Variants in HR observed in about 807,000 individuals in gnomAD.
HR encodes HR lysine demethylase and nuclear receptor corepressor.
In HR, 83 loss-of-function variants were observed where a neutral mutation model predicts 128.6. The ratio of observed to expected loss-of-function variants is 0.65; its 90% confidence interval spans 0.54 to 0.77. HR has a LOEUF of 0.77. Ranked by LOEUF, HR falls within the 30% of genes least tolerant of loss-of-function variation. The pLI, the probability that HR is intolerant of heterozygous loss-of-function variation, is 0.00. For synonymous variants in HR, 681 were observed against 658.2 expected (o/e 1.03, Z -0.53); for missense variants, 1,490 against 1,574.6 (o/e 0.95, Z 0.91).
In HR at chr8:22,116,519, AC is replaced by A; in HGVS notation, c.3379-92del. 3.9e-6 allele frequency: 6 copies of A among 1,519,998 alleles called. No homozygotes were observed. The highest frequency in any genetic ancestry group is 5.3e-6 in the Non-Finnish European group (6 of 1,123,950). 94.2% of individuals were successfully genotyped at this position (1,519,998 alleles called of 1,614,324 possible). ...CTGAGGTTCGCTTCCTCTAATGACA[AC>A]CACCCCCGACCCCTGGCTCTCAGAG... On this transcript the variant is annotated intron_variant, in intron 17 of 18. Coordinates refer to ENST00000381418, the MANE Select transcript of HR (RefSeq NM_005144.5). The surrounding 1 kb of genome is among the most constrained non-coding windows in gnomAD (Gnocchi z 4.2).
chr8:22,125,967 G>A (rs989924840), intron 3 of HR, among the ~76,000 whole-genome samples: 1 of 152,230 alleles, frequency 6.6e-6, no homozygotes, highest in Non-Finnish European at 1.5e-5. Context: ...GAGCGAAGAG[G>A]TTGTCTGGTG....
intron 6 of HR, 32 bp downstream of exon 6, chr8:22,123,617 T>TGGGGGGGGCCCCCCCCC: frequency 3.4e-6 from 1 of 292,092 alleles, no homozygotes; most frequent in Non-Finnish European, 6.2e-6. Context: ...GAGGGCTCCA[T>TGGGGGGGGCCCCCCCCC]CCCGCCCTCC....
chr8:22,120,015 G>A, intron 13 of HR, 89 bp downstream of exon 13: 5 of 1,573,102 alleles, frequency 3.2e-6, no homozygotes, highest in Non-Finnish European at 3.5e-6. Flanking sequence ...CACGGGGTGG[G>A]GGTTGGGGGC....
chr8:22,121,687 G>A lies in HR; in HGVS notation c.2129C>T (p.Ser710Leu), dbSNP rs1189832242. 4 of 1,613,974 alleles carry A rather than the reference G, an allele frequency of 2.5e-6. No homozygotes were observed. Among genetic ancestry groups the A allele is most frequent in the Non-Finnish European group, 3.4e-6 (4 of 1,180,018 alleles). The change falls in exon 9 of 19, where the codon TCA (serine) becomes TTA (leucine). Residue 710 changes from serine (S) to leucine (L), a missense_variant. This residue lies in a region of HR where 1,060 missense variants were observed against 1,060.9 expected (regional missense o/e 1.00). Transcript: ENST00000381418. ...APGDAGQQKE[S>L]TQKTPPTPQP... ...TGGAGTTGGGGGCGTTTTCTGTGTT[G>A]ATTCCTTCTGTTAAACCCATCCACC...
rs753844524 is a variant in HR, at chr8:22,118,967, G to A, written c.3196C>T (p.Arg1066Cys). The A allele has an allele frequency of 2.6e-5, 42 of 1,611,656 alleles. No homozygotes were observed. The highest frequency in any genetic ancestry group is 6.7e-5 in the African/African-American group (5 of 74,896). ...VFRAQDAQRI[R>C]RFLQMVCPAG... ...CTCCTCACCATCTGGAGAAAGCGGCGGATGCGCTGGGCGTCCTGTGCCCGG... is the reference window on the plus strand; with the variant it reads ...CTCCTCACCATCTGGAGAAAGCGGCAGATGCGCTGGGCGTCCTGTGCCCGG... Residue 1066 changes from arginine to cysteine, a missense_variant, in exon 16 of 19, where the codon CGC (arginine) becomes TGC (cysteine). Physicochemically the swap from Arg to Cys is radical, Grantham distance 180. This residue lies in a region of HR where 423 missense variants were observed against 495.9 expected (regional missense o/e 0.85). Transcript: ENST00000381418.
In HR at chr8:22,130,408, G is replaced by A. The variant is rs1439356731; in HGVS notation, c.-41+20C>T. The A allele has an allele frequency of 6.6e-6, 1 of 152,298 alleles. No individual in the cohort carries two copies. Among genetic ancestry groups the A allele is most frequent in the Non-Finnish European group, 1.5e-5 (1 of 68,090 alleles). The allele number at this position is 152,298 out of a possible 1,614,324, so 9.4% of individuals were successfully genotyped here. On this transcript the variant is annotated intron_variant, in intron 1 of 18. Transcript: ENST00000381418. ...TCCCCCGCCACGAGTGTCCCCAGACGGCGCGCTCCTGGCGCTTACCTGGGC... is the reference window on the plus strand; with the variant it reads ...TCCCCCGCCACGAGTGTCCCCAGACAGCGCGCTCCTGGCGCTTACCTGGGC...
chr8:22,119,322 C>A (rs2131752939), intron 14 of HR, 39 bp from the exon 15 acceptor site: 1 of 1,612,514 alleles, frequency 6.2e-7, no homozygotes, highest in South Asian at 1.1e-5. Context: ...GAAATGGAAT[C>A]AGAGAGCCAG....
intron 9 of HR, 104 bp downstream of exon 9, chr8:22,121,509 G>T (rs1217200252): frequency 1.7e-6 from 2 of 1,186,980 alleles, no homozygotes; most frequent in Non-Finnish European, 1.3e-6. Flanking sequence ...GGGTGGGGGG[G>T]AGTTGCTAAA....
rs1446296580 is a variant in HR, at chr8:22,115,076, C to A, written c.*624G>T. On this transcript the variant is annotated 3_prime_UTR_variant, in exon 19 of 19. Transcript: ENST00000381418. ...AACCACACTGGCAGCAGTCACAAAACAACAGACTTTAATGGAAATCATGAA... is the reference window on the plus strand; with the variant it reads ...AACCACACTGGCAGCAGTCACAAAAAAACAGACTTTAATGGAAATCATGAA... 3 of 160,880 alleles carry A rather than the reference C, an allele frequency of 1.9e-5. No homozygotes were observed. Among genetic ancestry groups the A allele is most frequent in the Non-Finnish European group, 2.7e-5 (2 of 73,488 alleles). 10.0% of individuals were successfully genotyped at this position (160,880 alleles called of 1,614,324 possible).
At position 22,127,242 on chromosome 8, in the gene HR, G is replaced by A. The variant is rs138554470; in HGVS notation, c.1200C>T (p.Val400=). The change falls in exon 3 of 19, where the codon GTC becomes GTT. Residue 400 remains valine, a synonymous_variant. Transcript: ENST00000381418. ...QFECPRGCPE[V]EERPVARLRA... ...GGAGCCGAGCAACCGGCCTCTCCTCGACCTCAGGGCAGCCGCGTGGACATT... is the reference window on the plus strand; with the variant it reads ...GGAGCCGAGCAACCGGCCTCTCCTCAACCTCAGGGCAGCCGCGTGGACATT... The A allele has an allele frequency of 1.8e-4, 298 of 1,613,090 alleles. No homozygotes were observed. In the African/African-American group the frequency reaches 3.7e-3, roughly 20 times the overall value.
Position 22,116,203 on chromosome 8 carries a change from G to T in HR, c.3507+97C>A, listed in dbSNP as rs763419253. The stretch of plus-strand genomic sequence containing the variant: ...CCTGCACAGGGTGGCTGCCTGCTTG[G>T]CACAGGGTGGGATCTGCTATGTCCA... On this transcript the variant is annotated intron_variant, in intron 18 of 18. Coordinates refer to ENST00000381418, the MANE Select transcript of HR (RefSeq NM_005144.5). This position sits in a 1 kb window ranked among gnomAD's most constrained non-coding sequence, Gnocchi z 4.2. 11 of 1,559,856 alleles carry T rather than the reference G, an allele frequency of 7.1e-6. No homozygotes were observed. Among genetic ancestry groups the T allele is most frequent in the East Asian group, 2.3e-5 (1 of 44,344 alleles).
chr8:22,128,893 C>T lies in HR; in HGVS notation c.278G>A (p.Ser93Asn). Reference protein sequence around the residue: ...NGERKVNWLGSKEGLRWKEAM... With the variant: ...NGERKVNWLGNKEGLRWKEAM... ...CTCCTTCCAGCGCAGTCCCTCTTTG[C>T]TGCCCAGCCAGTTGACCTTCCTCTC... Residue 93 changes from serine (S) to asparagine (N), a missense_variant, in exon 2 of 19, where the codon AGC becomes AAC. By Grantham distance (46) the Ser-to-Asn change is conservative (BLOSUM62 1). Around this residue, in one of 3 missense-constraint regions of HR, gnomAD observed 1,060 missense variants for 1,060.9 expected, o/e 1.00. Transcript: ENST00000381418. The T allele has an allele frequency of 1.5e-5, 24 of 1,613,492 alleles. No individual in the cohort carries two copies. Among genetic ancestry groups the T allele is most frequent in the Non-Finnish European group, 2.0e-5 (24 of 1,180,026 alleles).
intron 13 of HR, 23 bp downstream of exon 13, chr8:22,120,081 C>T (rs1178481620): frequency 1.9e-6 from 3 of 1,576,362 alleles, no homozygotes; most frequent in Non-Finnish European, 2.6e-6. Context: ...GGAGGTAGGG[C>T]TGGCCCTTGG....
chr8:22,123,615 C>CG, intron 6 of HR, 34 bp downstream of exon 6: 1 of 631,038 alleles, frequency 1.6e-6, no homozygotes, highest in Non-Finnish European at 2.6e-6. Flanking sequence ...CTGAGGGCTC[C>CG]ATCCCGCCCT....
At chr8:22,125,763 G>C (rs889826936) in intron 3 of HR, 31 bp from the exon 4 acceptor site, 11 of 1,611,624 alleles carry the variant, frequency 6.8e-6, no homozygotes, top group Non-Finnish European at 9.3e-6. Context: ...TCAGGAATCT[G>C]GGTTTCTTGG....
chr8:22,114,676 A>C lies in HR; in HGVS notation c.*1024T>G, dbSNP rs1243085682. 1 of 152,458 alleles carries C rather than the reference A, an allele frequency of 6.6e-6. No individual in the cohort carries two copies. The highest frequency in any genetic ancestry group is 1.5e-5 in the Non-Finnish European group (1 of 68,186). The allele number at this position is 152,458 out of a possible 1,614,324, so 9.4% of individuals were successfully genotyped here. ...CCATGGCCACTGCCACCAAGGGCAG[A>C]CAGGCGGGGCAAGGGCTCTTCTGGG... is the stretch of plus-strand genomic sequence containing the variant. On this transcript the variant is annotated 3_prime_UTR_variant, in exon 19 of 19. Transcript: ENST00000381418.
rs374957303 is a variant in HR, at chr8:22,118,913, G to A, written c.3213+37C>T. ...GGACTGGACGAGCTTCTAGGGCTGG[G>A]CGGGGGGAAGGGGAGGGCTCCCGGC... On this transcript the variant is annotated intron_variant, in intron 16 of 18. Transcript: ENST00000381418. 1.4e-4 allele frequency: 216 copies of A among 1,560,722 alleles called. No individual in the cohort carries two copies. The Middle Eastern group carries it at 2.7e-3, about 20-fold the overall frequency.
intron 6 of HR, 31 bp downstream of exon 6, chr8:22,123,616 ATC>A: frequency 1.4e-5 from 8 of 562,348 alleles, no homozygotes; most frequent in South Asian, 6.7e-5. Context: ...TGAGGGCTCC[ATC>A]CCGCCCTCCC....
chr8:22,121,473 C>A (rs568151252), intron 9 of HR, 140 bp downstream of exon 9: 1 of 980,624 alleles, frequency 1.0e-6, no homozygotes, highest in Admixed American at 1.9e-5. Context: ...GAGGCATGTC[C>A]TGAGGGGAGT....
Sources: gnomAD v4.1 joint callset for allele counts (sites outside exome capture counted in the v4.1 genomes callset) on GRCh38, gnomAD v4.1.1 for gene constraint, gnomAD v4.1.1 regional missense constraint, Gnocchi (gnomAD v3.1) non-coding constraint, MANE v1.5 for transcripts, NCBI Gene and HGNC (gene_info 2026-07-23, HGNC 2026-07-21) for gene names.